Variants in GALNTL6 observed in about 807,000 individuals in gnomAD.
GALNTL6 encodes polypeptide N-acetylgalactosaminyltransferase like 6.
In GALNTL6, 46 loss-of-function variants were observed where a neutral mutation model predicts 73.7. The observed-to-expected ratio is 0.62, with a 90% CI of 0.49 to 0.80. The LOEUF is 0.80. Ranked by LOEUF, GALNTL6 falls within the 30% of genes least tolerant of loss-of-function variation. The pLI is 0.00. For missense variants in GALNTL6, 604 were observed against 755.0 expected, an observed-to-expected ratio of 0.80 and a Z score of 2.34; for synonymous variants, 259 against 263.7, an observed-to-expected ratio of 0.98 and a Z score of 0.17.
At chr4:172,754,800 A>G (rs1472194197) in intron 5 of GALNTL6, among the ~76,000 whole-genome samples, 2 of 151,582 alleles carry the variant, frequency 1.3e-5, no homozygotes, top group Non-Finnish European at 2.9e-5. Context: ...TATGGATTCC[A>G]TAGTAGCATC....
rs545663735 is a variant in GALNTL6 at position 172,663,773 on chromosome 4, A to T, written c.554-145588A>T. ...GCGAAACCCCATCTCTACTAAAAAT[A>T]TAAAAAATTAGCCAGGCATAATGGC... On this transcript the variant is annotated intron_variant, in intron 5 of 12. Transcript: ENST00000506823. 2.6e-5 allele frequency among the ~76,000 whole-genome samples: 4 copies of T among 152,198 alleles called. No individual in the cohort carries two copies. The East Asian group carries it at 7.7e-4, about 29-fold the overall frequency.
At chr4:171,967,447 G>GTTTTTTGTTTT (rs1553976625) in intron 2 of GALNTL6, among the ~76,000 whole-genome samples, 4 of 14,330 alleles carry the variant, frequency 2.8e-4, no homozygotes, top group Admixed American at 1.6e-3. Context: ...CCCCCTATGG[G>GTTTTTTGTTTT]TTTTTTTTTT....
At chr4:172,702,801 A>C (rs2111296228) in intron 5 of GALNTL6, among the ~76,000 whole-genome samples, 1 of 149,722 alleles carries the variant, frequency 6.7e-6, no homozygotes, top group Non-Finnish European at 1.5e-5. Flanking sequence ...GAATGAACTA[A>C]GACAAATTTT....
At chr4:172,989,281 T>C (rs1041281222) in intron 10 of GALNTL6, among the ~76,000 whole-genome samples, 2 of 152,222 alleles carry the variant, frequency 1.3e-5, no homozygotes, top group African/African-American at 2.4e-5. Flanking sequence ...CCTCATTGTA[T>C]CTTGGACATA....
intron 5 of GALNTL6, among the ~76,000 whole-genome samples, chr4:172,458,499 A>C (rs1166669745): frequency 6.6e-6 from 1 of 152,062 alleles, no homozygotes; most frequent in Non-Finnish European, 1.5e-5. Flanking sequence ...AAGGTAAGAG[A>C]GATGAATCAA....
chr4:172,036,653 C>T (rs1018637765), intron 2 of GALNTL6, among the ~76,000 whole-genome samples: 1 of 152,018 alleles, frequency 6.6e-6, no homozygotes, highest in Admixed American at 6.6e-5. Flanking sequence ...TAACTTGTCC[C>T]ATATTTCCTC....
intron 5 of GALNTL6, among the ~76,000 whole-genome samples, chr4:172,542,601 A>G (rs980028242): frequency 2.6e-5 from 4 of 152,098 alleles, no homozygotes; most frequent in Non-Finnish European, 5.9e-5. Context: ...TACCCTGCTC[A>G]TGCCTGACTA....
intron 2 of GALNTL6, among the ~76,000 whole-genome samples, chr4:171,859,327 T>A (rs973461702): frequency 8.5e-5 from 13 of 152,188 alleles, no homozygotes; most frequent in African/African-American, 2.9e-4. Flanking sequence ...TAGAGCATTT[T>A]AAAATTTTTT....
intron 5 of GALNTL6, among the ~76,000 whole-genome samples, chr4:172,575,261 G>T (rs954734994): frequency 3.9e-5 from 6 of 152,134 alleles, no homozygotes; most frequent in Admixed American, 2.6e-4. Flanking sequence ...TTTATTTTTA[G>T]GGAATTTTCC....
chr4:171,841,489 A>AT (rs1735238290), intron 2 of GALNTL6, among the ~76,000 whole-genome samples: 1 of 152,110 alleles, frequency 6.6e-6, no homozygotes, highest in Non-Finnish European at 1.5e-5. Context: ...TACTTGAAAA[A>AT]CATAAACAAC....
At chr4:172,404,248 C>T (rs1744135867) in intron 5 of GALNTL6, among the ~76,000 whole-genome samples, 1 of 151,996 alleles carries the variant, frequency 6.6e-6, no homozygotes, top group Non-Finnish European at 1.5e-5. Flanking sequence ...TTCTCCAAAA[C>T]TCCCACCAGC....
chr4:172,317,885 A>G (rs1461007205), intron 4 of GALNTL6, among the ~76,000 whole-genome samples: 4 of 152,234 alleles, frequency 2.6e-5, no homozygotes, highest in South Asian at 2.1e-4. Context: ...CAAGTTTACA[A>G]GTGAATTCAG....
At chr4:172,195,056 T>G (rs986771759) in intron 2 of GALNTL6, among the ~76,000 whole-genome samples, 1 of 152,082 alleles carries the variant, frequency 6.6e-6, no homozygotes, top group East Asian at 1.9e-4. Context: ...GAGACCCATC[T>G]CACGTGCCAA....
chr4:172,434,735 A>G (rs1579068591), intron 5 of GALNTL6, among the ~76,000 whole-genome samples: 1 of 152,256 alleles, frequency 6.6e-6, no homozygotes, highest in Admixed American at 6.5e-5. Context: ...AAAATGGCTT[A>G]TTGGTCAAAA....
intron 7 of GALNTL6, among the ~76,000 whole-genome samples, chr4:172,849,827 T>C (rs1251754588): frequency 6.6e-6 from 1 of 152,144 alleles, no homozygotes; most frequent in African/African-American, 2.4e-5. Flanking sequence ...GAAACAATTT[T>C]TTAAGAAAAA....
At chr4:172,099,731 A>G (rs1422006597) in intron 2 of GALNTL6, among the ~76,000 whole-genome samples, 1 of 152,180 alleles carries the variant, frequency 6.6e-6, no homozygotes, top group Non-Finnish European at 1.5e-5. Flanking sequence ...TGCATGCTGA[A>G]CATATCTAGG....
At chr4:172,379,834 C>T (rs1236955753) in intron 5 of GALNTL6, among the ~76,000 whole-genome samples, 1 of 152,148 alleles carries the variant, frequency 6.6e-6, no homozygotes, top group African/African-American at 2.4e-5. Flanking sequence ...TACTTCTAGC[C>T]TCTGCTCATA....
chr4:172,226,803 CTG>C (rs1421536457), intron 2 of GALNTL6, among the ~76,000 whole-genome samples: 1 of 152,030 alleles, frequency 6.6e-6, no homozygotes, highest in African/African-American at 2.4e-5. Flanking sequence ...ATTTTCCAAA[CTG>C]TGTCTTAATT....
At chr4:172,000,418 C>G (rs138505918) in intron 2 of GALNTL6, among the ~76,000 whole-genome samples, 1 of 152,202 alleles carries the variant, frequency 6.6e-6, no homozygotes, top group African/African-American at 2.4e-5. Flanking sequence ...GAGTGAGGAT[C>G]TAGGGTGTTT....
Sources: allele counts gnomAD v4.1 joint callset (sites outside exome capture counted in the v4.1 genomes callset), GRCh38; gene constraint gnomAD v4.1.1; transcripts MANE v1.5; gene names NCBI Gene and HGNC (gene_info 2026-07-23, HGNC 2026-07-21).